DAB1: variants seen among roughly 807,000 people sequenced by gnomAD.
DAB1 encodes DAB adaptor protein 1, also known as disabled homolog 1.
DAB1 carries 15 observed loss-of-function variants against 64.6 expected under a neutral mutation model. That is an observed-to-expected ratio of 0.23 (90% CI 0.16 to 0.36). The LOEUF (loss-of-function observed/expected upper bound fraction) is 0.36, where lower values mean the gene tolerates loss of function less well. Among genes scored for constraint, DAB1 ranks in the 10% least tolerant of loss-of-function variants. The pLI is 1.00. For missense variants in DAB1, 596 were observed against 706.7 expected (o/e 0.84, Z 1.78); for synonymous variants, 235 against 251.9 (o/e 0.93, Z 0.64).
intron 1 of DAB1, among the ~76,000 whole-genome samples, chr1:57,328,667 T>C (rs1676388844): frequency 6.6e-6 from 1 of 152,208 alleles, no homozygotes; most frequent in Non-Finnish European, 1.5e-5. Context: ...TAATGGGAAG[T>C]GCCATGCCAT....
At chr1:57,690,269 A>G (rs1646748486) in intron 6 of DAB1, among the ~76,000 whole-genome samples, 1 of 152,062 alleles carries the variant, frequency 6.6e-6, no homozygotes, top group African/African-American at 2.4e-5. Context: ...TTGGGTATTG[A>G]TATGGTTTGA....
At chr1:57,034,278 C>CAAAAAAAAAAAAAAAA (rs375684000) in intron 9 of DAB1, among the ~76,000 whole-genome samples, 5 of 119,230 alleles carry the variant, frequency 4.2e-5, no homozygotes, top group African/African-American at 7.0e-5. Context: ...GACTCCATTT[C>CAAAAAAAAAAAAAAAA]AAAAAAAAAA....
At chr1:57,320,972 G>A (rs1221688157) in intron 1 of DAB1, among the ~76,000 whole-genome samples, 1 of 152,198 alleles carries the variant, frequency 6.6e-6, no homozygotes, top group East Asian at 1.9e-4. Context: ...CCTCAATTAT[G>A]TAAAGTAAAC....
At chr1:57,551,659 A>C (rs898247437) in intron 7 of DAB1, among the ~76,000 whole-genome samples, 22 of 152,156 alleles carry the variant, frequency 1.4e-4, no homozygotes, top group African/African-American at 5.3e-4. Context: ...CTATATGTAA[A>C]TGCAGGCCTG....
chr1:58,339,242 A>G (rs1663194933), intron 4 of DAB1, among the ~76,000 whole-genome samples: 1 of 152,208 alleles, frequency 6.6e-6, no homozygotes, highest in Non-Finnish European at 1.5e-5. Context: ...GATAAGATTC[A>G]TGAAGGAGAT....
At chr1:58,356,493 C>T (rs1271967779) in intron 3 of DAB1, among the ~76,000 whole-genome samples, 1 of 152,042 alleles carries the variant, frequency 6.6e-6, no homozygotes, top group Admixed American at 6.6e-5. Flanking sequence ...TAGATTATAT[C>T]ATTAAGAAAG....
chr1:57,163,028 T>A (rs10889030), intron 2 of DAB1, among the ~76,000 whole-genome samples: 81,466 of 152,056 alleles, frequency 0.54, 23,283 homozygotes, highest in African/African-American at 0.74. Context: ...TGGATTTCTA[T>A]CATGGTCAGC....
At chr1:58,491,987 T>G (rs1569881971) in intron 3 of DAB1, among the ~76,000 whole-genome samples, 1 of 152,134 alleles carries the variant, frequency 6.6e-6, no homozygotes, top group African/African-American at 2.4e-5. Context: ...ACACCACACC[T>G]ATTCCAAAAT....
rs183664472 is a variant in DAB1, at chr1:57,476,686, A to G, written n.625+172906T>C. On this transcript the variant is annotated intron_variant and non_coding_transcript_variant, in intron 7 of 20. Coordinates refer to the DAB1 transcript ENST00000485760. ...CAGGACACAGTTCTTGTCCTTACAG[A>G]TAACACAACTTAGTGTGGGAGACTG... 1.4e-3 allele frequency among the ~76,000 whole-genome samples: 212 copies of G among 152,350 alleles called. 1 individual carries two copies. The highest frequency in any genetic ancestry group is 4.9e-3 in the African/African-American group (202 of 41,570).
intron 2 of DAB1, among the ~76,000 whole-genome samples, chr1:58,507,941 A>C (rs1286291414): frequency 1.3e-5 from 2 of 152,208 alleles, no homozygotes; most frequent in Non-Finnish European, 2.9e-5. Context: ...AATGGACTAC[A>C]AATTCACGAA....
intron 1 of DAB1, among the ~76,000 whole-genome samples, chr1:57,422,470 G>A (rs1228286054): frequency 6.6e-6 from 1 of 152,046 alleles, no homozygotes; most frequent in Non-Finnish European, 1.5e-5. Context: ...AAACACAGGC[G>A]TGCGCCGACA....
At chr1:57,572,212 A>G (rs1399663316) in intron 7 of DAB1, among the ~76,000 whole-genome samples, 1 of 152,216 alleles carries the variant, frequency 6.6e-6, no homozygotes, top group Non-Finnish European at 1.5e-5. Flanking sequence ...AAACTCTCAC[A>G]TGGCGGCCAA....
intron 4 of DAB1, among the ~76,000 whole-genome samples, chr1:58,190,584 T>C (rs539685671): frequency 1.3e-5 from 2 of 152,310 alleles, no homozygotes; most frequent in South Asian, 2.1e-4. Context: ...TTACCATCCA[T>C]TGTCTCTTTG....
intron 5 of DAB1, among the ~76,000 whole-genome samples, chr1:58,011,821 G>A (rs1386253183): frequency 1.3e-5 from 2 of 152,046 alleles, no homozygotes; most frequent in Admixed American, 1.3e-4. Context: ...CTCCCAAGTA[G>A]CTGGGATTAT....
intron 1 of DAB1, among the ~76,000 whole-genome samples, chr1:58,535,595 C>CAAAA (rs11315198): frequency 1.0e-5 from 1 of 95,544 alleles, no homozygotes; most frequent in African/African-American, 3.9e-5. Flanking sequence ...GTCTCTGTCT[C>CAAAA]AAAAAAAAAA....
At chr1:57,036,836 CT>C (rs1352887027) in intron 9 of DAB1, among the ~76,000 whole-genome samples, 2 of 152,048 alleles carry the variant, frequency 1.3e-5, no homozygotes, top group Non-Finnish European at 2.9e-5. Flanking sequence ...GTTTATCTTC[CT>C]ATAATCTCTT....
intron 6 of DAB1, among the ~76,000 whole-genome samples, chr1:57,757,589 C>T (rs1261824952): frequency 6.6e-6 from 1 of 152,124 alleles, no homozygotes; most frequent in Non-Finnish European, 1.5e-5. Flanking sequence ...CTATGCATGT[C>T]TGTCTCTGTG....
chr1:58,382,805 C>T (rs888024944), intron 3 of DAB1, among the ~76,000 whole-genome samples: 3 of 152,200 alleles, frequency 2.0e-5, no homozygotes, highest in East Asian at 1.9e-4. Flanking sequence ...CATTTACCAT[C>T]TTATCTTGGT....
At chr1:58,423,530 T>A (rs1644792887) in intron 3 of DAB1, among the ~76,000 whole-genome samples, 1 of 152,218 alleles carries the variant, frequency 6.6e-6, no homozygotes, top group African/African-American at 2.4e-5. Flanking sequence ...ATTTCTGCCA[T>A]GAGGCCGACC....
Sources: allele counts gnomAD v4.1 joint callset (sites outside exome capture counted in the v4.1 genomes callset), GRCh38; gene constraint gnomAD v4.1.1; transcripts MANE v1.5; gene names NCBI Gene and HGNC (gene_info 2026-07-23, HGNC 2026-07-21).